Variants in CCDC7 observed in about 807,000 individuals in gnomAD.
CCDC7 encodes the protein coiled-coil domain-containing protein 7.
A neutral mutation model predicts 196.9 loss-of-function variants in CCDC7; 183 were observed. The ratio of observed to expected loss-of-function variants is 0.93; its 90% CI spans 0.82 to 1.05. CCDC7 has a LOEUF of 1.05. CCDC7 is among the 50% of genes least tolerant of loss of function. The pLI, the probability that CCDC7 is intolerant of heterozygous loss-of-function variation, is 0.00. For synonymous variants in CCDC7, 525 were observed against 484.6 expected (o/e 1.08, Z -1.10); for missense variants, 1,540 against 1,482.2 (o/e 1.04, Z -0.64).
chr10:32,754,609 TGC>T (rs1257097556), intron 28 of CCDC7, among the ~76,000 whole-genome samples: 1 of 152,230 alleles, frequency 6.6e-6, no homozygotes, highest in African/African-American at 2.4e-5. Context: ...TTGATCTAAC[TGC>T]ATATTAAAAA....
At position 32,742,249 on chromosome 10, in the gene CCDC7, CT is replaced by C. The variant is rs2085981012; in HGVS notation, c.2905+12794del. Among the ~76,000 whole-genome samples the C allele has an allele frequency of 2.0e-5, 3 of 152,054 alleles. No homozygotes were observed. The South Asian group carries it at 6.2e-4, about 32-fold the overall frequency. ...CAGAAAGTACAGATTTCCTCTGTGC[CT>C]TCTGCCATTCCCCCCACACAGACTC... On this transcript the variant is annotated intron_variant, in intron 28 of 41. Coordinates refer to ENST00000639629, the Ensembl canonical transcript of CCDC7.
chr10:32,579,130 A>T (rs1426596894), intron 16 of CCDC7, among the ~76,000 whole-genome samples: 2 of 152,122 alleles, frequency 1.3e-5, no homozygotes, highest in Non-Finnish European at 2.9e-5. Context: ...AGTGGCAGCA[A>T]TTTATTCTAT....
chr10:32,841,663 T>C (rs1027266549), intron 33 of CCDC7, among the ~76,000 whole-genome samples: 1 of 151,996 alleles, frequency 6.6e-6, no homozygotes, highest in African/African-American at 2.4e-5. Context: ...AAAGCAAGAC[T>C]AAGCAAAAAG....
chr10:32,486,830 T>C (rs990392066), intron 8 of CCDC7, among the ~76,000 whole-genome samples: 13 of 151,706 alleles, frequency 8.6e-5, no homozygotes, highest in Non-Finnish European at 1.6e-4. Context: ...CCCACTCTCT[T>C]CTGGCTTGTA....
At chr10:32,719,032 T>G (rs1357332142) in intron 25 of CCDC7, among the ~76,000 whole-genome samples, 1 of 152,194 alleles carries the variant, frequency 6.6e-6, no homozygotes, top group African/African-American at 2.4e-5. Context: ...ACTTTAAGTT[T>G]CATATGGAAC....
intron 13 of CCDC7, among the ~76,000 whole-genome samples, chr10:32,554,511 T>G (rs2054038636): frequency 6.6e-6 from 1 of 151,972 alleles, no homozygotes; most frequent in South Asian, 2.1e-4. Context: ...CTTCTACTCT[T>G]ATATTTCACT....
In CCDC7 at chr10:32,517,832, C is replaced by T. The variant is rs1383739191; in HGVS notation, c.873-113C>T. On this transcript the variant is annotated intron_variant, in intron 9 of 41. Transcript: ENST00000639629. ...GGATGCAAGGGAGGGCAGAATAAAA[C>T]AGCAGCAACTAATTACTGAATACCA... The T allele has an allele frequency of 4.4e-6, 5 of 1,140,062 alleles. No individual in the cohort carries two copies. In the African/African-American group the frequency reaches 4.9e-5, roughly 11 times the overall value. The allele number at this position is 1,140,062 out of a possible 1,614,324, so 70.6% of individuals were successfully genotyped here. A position where few individuals can be genotyped will look rare whatever the true frequency, so the allele number is the denominator to read the frequency against.
intron 32 of CCDC7, among the ~76,000 whole-genome samples, chr10:32,828,433 AG>A (rs1779165882): frequency 2.7e-5 from 2 of 75,184 alleles, no homozygotes; most frequent in African/African-American, 3.4e-5. Flanking sequence ...AGAAGAAGGA[AG>A]GAAGGAGAAG....
intron 28 of CCDC7, among the ~76,000 whole-genome samples, chr10:32,745,133 T>A (rs1434884287): frequency 6.6e-6 from 1 of 152,230 alleles, no homozygotes; most frequent in East Asian, 1.9e-4. Context: ...ACCATATTTG[T>A]GTGAATCCAC....
intron 9 of CCDC7, among the ~76,000 whole-genome samples, chr10:32,504,115 G>T (rs1243486864): frequency 1.1e-4 from 11 of 96,296 alleles, no homozygotes; most frequent in Admixed American, 3.7e-4. Flanking sequence ...TTTATTGCTG[G>T]TTTTTTTTTT....
chr10:32,816,726 G>C (rs1421746188), intron 31 of CCDC7, among the ~76,000 whole-genome samples: 2 of 152,090 alleles, frequency 1.3e-5, no homozygotes, highest in African/African-American at 2.4e-5. Context: ...AGGCAAACAG[G>C]GTCTGGAGTA....
Position 32,474,215 on chromosome 10 carries a change from T to C in CCDC7, c.796+192T>C, listed in dbSNP as rs2038538167. Among the ~76,000 whole-genome samples, 3 of 115,868 alleles carry C rather than the reference T, an allele frequency of 2.6e-5. No individual in the cohort carries two copies. The East Asian group carries it at 7.6e-4, about 29-fold the overall frequency. 76.0% of individuals were successfully genotyped at this position (115,868 alleles called of 152,430 possible). A position where few individuals can be genotyped will look rare whatever the true frequency, so the allele number is the denominator to read the frequency against. On this transcript the variant is annotated intron_variant, in intron 8 of 41. Coordinates refer to ENST00000639629, the Ensembl canonical transcript of CCDC7. The stretch of plus-strand genomic sequence containing the variant: ...CGTGTTACTGAAACTAGATTCTTTT[T>C]TTTTTTTTTTTTTTTTTTTTTTTTT...
At chr10:32,542,839 CT>C (rs763317666) in intron 11 of CCDC7, among the ~76,000 whole-genome samples, 39 of 152,034 alleles carry the variant, frequency 2.6e-4, no homozygotes, top group Admixed American at 6.6e-4. Context: ...AAATAAAAGT[CT>C]ATATTTCTCA....
At chr10:32,821,341 G>A (rs1429928877) in intron 31 of CCDC7, among the ~76,000 whole-genome samples, 2 of 152,070 alleles carry the variant, frequency 1.3e-5, no homozygotes, top group African/African-American at 4.8e-5. Flanking sequence ...TGGAGAAATA[G>A]GAACACTTTT....
In CCDC7 at chr10:32,562,319, G is replaced by C. The variant is rs543478000; in HGVS notation, c.1135-3239G>C. Among the ~76,000 whole-genome samples the C allele has an allele frequency of 9.2e-5, 14 of 152,288 alleles. No homozygotes were observed. In the South Asian group the frequency reaches 2.7e-3, roughly 29 times the overall value. ...CATTTTATGAGGCCAGCATCATCCT[G>C]ATATCAAAGCCGGGCAGAGACACAA... On this transcript the variant is annotated intron_variant, in intron 13 of 41. Coordinates refer to ENST00000639629, the Ensembl canonical transcript of CCDC7.
chr10:32,774,553 T>A (rs959724558), intron 28 of CCDC7, among the ~76,000 whole-genome samples: 4 of 152,164 alleles, frequency 2.6e-5, no homozygotes, highest in Non-Finnish European at 5.9e-5. Context: ...ATTTTCTTGA[T>A]TCTGTGTGTC....
intron 24 of CCDC7, among the ~76,000 whole-genome samples, chr10:32,707,410 C>G (rs1039206570): frequency 5.3e-5 from 8 of 152,130 alleles, no homozygotes; most frequent in Non-Finnish European, 1.2e-4. Flanking sequence ...AAAACTGGCA[C>G]AAGACAGGGA....
At chr10:32,753,685 T>G (rs10827123) in intron 28 of CCDC7, among the ~76,000 whole-genome samples, 8,699 of 152,234 alleles carry the variant, frequency 0.057, 349 homozygotes, top group Non-Finnish European at 0.083. Context: ...AAACTCTTCT[T>G]TCGCTCTTGC....
At chr10:32,669,516 C>T (rs1313726140) in intron 21 of CCDC7, among the ~76,000 whole-genome samples, 6 of 152,036 alleles carry the variant, frequency 3.9e-5, no homozygotes, top group African/African-American at 1.4e-4. Flanking sequence ...GAGGTCTTAG[C>T]TTTTCTTTAA....
Sources: allele counts gnomAD v4.1 joint callset (sites outside exome capture counted in the v4.1 genomes callset), GRCh38; gene constraint gnomAD v4.1.1; transcripts MANE v1.5; gene names NCBI Gene and HGNC (gene_info 2026-07-23, HGNC 2026-07-21).